The following IQUB variants were observed in gnomAD, a reference collection of about 807,000 sequenced individuals.
IQUB encodes the protein IQ motif and ubiquitin domain containing.
Under a neutral mutation model 86.4 loss-of-function variants are expected in IQUB, and 86 were observed. That is an observed-to-expected ratio of 1.00 (90% CI 0.84 to 1.19). The LOEUF is 1.19. Among genes scored for constraint, IQUB ranks in the 50% most tolerant of loss-of-function variants. The pLI, the probability that IQUB is intolerant of heterozygous loss-of-function variation, is 0.00. For missense variants in IQUB, 946 were observed against 916.9 expected, an observed-to-expected ratio of 1.03 and a Z score of -0.41; for synonymous variants, 289 against 304.5, an observed-to-expected ratio of 0.95 and a Z score of 0.53.
intron 7 of IQUB, among the ~76,000 whole-genome samples, chr7:123,488,349 GA>G (rs536092384): frequency 0.028 from 2,716 of 97,984 alleles, 63 homozygotes; most frequent in African/African-American, 0.091. Context: ...TCAAAAAAAA[GA>G]AAAAAAAAAA....
At chr7:123,520,149 T>A (rs1236641235) in intron 1 of IQUB, among the ~76,000 whole-genome samples, 1 of 152,156 alleles carries the variant, frequency 6.6e-6, no homozygotes, top group Non-Finnish European at 1.5e-5. Flanking sequence ...GATTATTTGA[T>A]ACATATCTTT....
chr7:123,506,538 T>C (rs542749304), intron 3 of IQUB, among the ~76,000 whole-genome samples: 155 of 152,220 alleles, frequency 1.0e-3, no homozygotes, highest in Middle Eastern at 6.8e-3. Context: ...AGGCACGTTT[T>C]ACATGGCTGA....
intron 1 of IQUB, among the ~76,000 whole-genome samples, chr7:123,515,650 T>A (rs534222782): frequency 6.6e-6 from 1 of 151,922 alleles, no homozygotes; most frequent in African/African-American, 2.4e-5. Flanking sequence ...AAAAATAAGC[T>A]CAATATCATT....
At chr7:123,523,821 GT>G (rs1236654984) in intron 1 of IQUB, among the ~76,000 whole-genome samples, 1 of 152,110 alleles carries the variant, frequency 6.6e-6, no homozygotes, top group African/African-American at 2.4e-5. Context: ...TTCTTGTAGG[GT>G]TTTTATGGTT....
intron 8 of IQUB, among the ~76,000 whole-genome samples, chr7:123,470,762 A>G (rs551144870): frequency 2.2e-4 from 33 of 151,952 alleles, no homozygotes; most frequent in Non-Finnish European, 4.3e-4. Flanking sequence ...GAGGCAGGAG[A>G]ATGGCATGAA....
At chr7:123,519,741 C>T (rs899355200) in intron 1 of IQUB, among the ~76,000 whole-genome samples, 3 of 152,058 alleles carry the variant, frequency 2.0e-5, no homozygotes, top group African/African-American at 7.2e-5. Context: ...TAGCACCGTA[C>T]GGTGACTATA....
intron 12 of IQUB, 73 bp from the exon 13 acceptor site, chr7:123,452,998 C>T (rs1020730684): frequency 3.5e-5 from 40 of 1,139,810 alleles, no homozygotes; most frequent in South Asian, 3.4e-4. Flanking sequence ...TGTCATGCCT[C>T]GGTGCCTTTG....
chr7:123,484,754 T>C (rs1272321850), intron 7 of IQUB, among the ~76,000 whole-genome samples: 1 of 152,062 alleles, frequency 6.6e-6, no homozygotes, highest in African/African-American at 2.4e-5. Flanking sequence ...CCATTTTCGT[T>C]AGATTGTCAG....
intron 1 of IQUB, among the ~76,000 whole-genome samples, chr7:123,517,530 CAA>C (rs374712007): frequency 8.0e-4 from 18 of 22,444 alleles, no homozygotes; most frequent in Non-Finnish European, 1.1e-3. Context: ...GACTCCATCT[CAA>C]AAAAAAAAAA....
intron 7 of IQUB, among the ~76,000 whole-genome samples, chr7:123,491,584 GA>G (rs1246710466): frequency 1.3e-5 from 2 of 151,930 alleles, no homozygotes; most frequent in Non-Finnish European, 2.9e-5. Context: ...CAACAACTCA[GA>G]AAAAAATTAC....
In IQUB at chr7:123,495,066, T is replaced by C. The variant is rs146771216; in HGVS notation, c.1234+1630A>G. ...GATACCTGGCTAACGATGTTCTCTA[T>C]TGAAGTACTGACACTTAATAATCTT... On this transcript the variant is annotated intron_variant, in intron 7 of 12. Transcript: ENST00000324698. 1.9e-3 allele frequency among the ~76,000 whole-genome samples: 288 copies of C among 152,248 alleles called. 2 individuals carry two copies. Among genetic ancestry groups the C allele is most frequent in the African/African-American group, 6.6e-3 (275 of 41,568 alleles).
rs1223762939 is a variant in IQUB, at chr7:123,512,331, G to C, written c.10C>G (p.Gln4Glu). 2 of 1,549,016 alleles carry C rather than the reference G, an allele frequency of 1.3e-6. No homozygotes were observed. Among genetic ancestry groups the C allele is most frequent in the African/African-American group, 2.7e-5 (2 of 72,840 alleles). The change falls in exon 2 of 13, where the codon CAA becomes GAA. Residue 4 changes from glutamine to glutamate, a missense_variant. Transcript: ENST00000324698. ...TTCTGAGCTTCATACTTCTCCTGTT[G>C]ATTAGACATTTTCCTGAATTAAGAA... MSN[Q>E]QEKYEAQNIV...
chr7:123,524,905 C>T (rs200669130), intron 1 of IQUB, among the ~76,000 whole-genome samples: 1 of 151,636 alleles, frequency 6.6e-6, no homozygotes, highest in Non-Finnish European at 1.5e-5. Flanking sequence ...GAGTTTTTAG[C>T]ATGAAGTGTT....
chr7:123,505,262 A>G (rs916916464), intron 3 of IQUB, among the ~76,000 whole-genome samples: 3 of 152,194 alleles, frequency 2.0e-5, no homozygotes, highest in Non-Finnish European at 4.4e-5. Context: ...CCAGGTGCAC[A>G]GTACAAGCTG....
At chr7:123,473,793 GTCAGGCTGGTCT>G (rs1794642282) in intron 8 of IQUB, among the ~76,000 whole-genome samples, 1 of 150,760 alleles carries the variant, frequency 6.6e-6, no homozygotes, top group African/African-American at 2.4e-5. Context: ...TACCATGTTG[GTCAGGCTGGTCT>G]CAAACTCCTG....
chr7:123,494,510 G>A (rs1795627602), intron 7 of IQUB, among the ~76,000 whole-genome samples: 1 of 151,844 alleles, frequency 6.6e-6, no homozygotes, highest in Non-Finnish European at 1.5e-5. Context: ...TTATTCCAAG[G>A]CTTTTAATTT....
chr7:123,510,575 T>C (rs1366284356), intron 2 of IQUB, among the ~76,000 whole-genome samples: 1 of 152,106 alleles, frequency 6.6e-6, no homozygotes, highest in Non-Finnish European at 1.5e-5. Flanking sequence ...TTAATATGGG[T>C]AAACTGTTTT....
chr7:123,503,093 G>A lies in IQUB; in HGVS notation c.718C>T (p.Pro240Ser). Residue 240 changes from proline to serine, a missense_variant, in exon 5 of 13, where the codon CCT becomes TCT. Transcript: ENST00000324698. The part of the protein sequence containing the change: ...QTGLDQYQQV[P>S]VEIVKSDFHK... ...AAGTCAGATTTGACAATCTCAACAG[G>A]TACCTGCTGGTATTGATCAAGTCCT... 1 of 1,612,964 alleles carries A rather than the reference G, an allele frequency of 6.2e-7. No individual in the cohort carries two copies. The highest frequency in any genetic ancestry group is 8.5e-7 in the Non-Finnish European group (1 of 1,179,570).
chr7:123,500,934 A>G (rs760683593), intron 6 of IQUB: 20 of 152,270 alleles, frequency 1.3e-4, no homozygotes, highest in Middle Eastern at 3.4e-3. Flanking sequence ...AAAATGACAG[A>G]AATTTCCATT....
Sources: gnomAD v4.1 joint callset for allele counts (sites outside exome capture counted in the v4.1 genomes callset) on GRCh38, gnomAD v4.1.1 for gene constraint, MANE v1.5 for transcripts, NCBI Gene and HGNC (gene_info 2026-07-23, HGNC 2026-07-21) for gene names.